The following HOXA3 variants were observed in gnomAD, a reference collection of about 807,000 sequenced individuals.
HOXA3 encodes the protein homeobox A3.
Under a neutral mutation model 30.3 loss-of-function variants are expected in HOXA3, and 8 were observed. The ratio of observed to expected loss-of-function variants is 0.26; its 90% CI spans 0.15 to 0.48. The LOEUF is 0.48. Ranked by LOEUF, HOXA3 falls within the 20% of genes least tolerant of loss-of-function variation. The probability of loss-of-function intolerance (pLI) is 0.99; values close to 1 mark genes in which losing one functional copy is unlikely to be tolerated. For missense variants in HOXA3, 653 were observed against 614.4 expected (o/e 1.06, Z -0.66); for synonymous variants, 323 against 273.1 (o/e 1.18, Z -1.80).
rs923607933 is a variant in HOXA3 at position 27,107,618 on chromosome 7, C to G, written c.*297G>C. On this transcript the variant is annotated 3_prime_UTR_variant, in exon 6 of 6. Coordinates refer to ENST00000612286, the MANE Select transcript of HOXA3 (RefSeq NM_153631.3). ...GAAAATTTGTTCATATACCCTGTTT[C>G]TGATCAAAGAGTGGAGAAGGTAAAG... 2.7e-5 allele frequency: 9 copies of G among 330,386 alleles called. No individual in the cohort carries two copies. Among genetic ancestry groups the G allele is most frequent in the African/African-American group, 1.5e-4 (7 of 47,228 alleles). The allele number at this position is 330,386 out of a possible 1,614,324, so 20.5% of individuals were successfully genotyped here.
At chr7:27,117,407 A>C (rs1251850900) in intron 4 of HOXA3, among the ~76,000 whole-genome samples, 1 of 152,164 alleles carries the variant, frequency 6.6e-6, no homozygotes, top group Non-Finnish European at 1.5e-5. Context: ...TGTTAGAATA[A>C]GGAGCCCCTG....
At chr7:27,143,192 C>A in intron 1 of HOXA3, 2 of 1,611,482 alleles carry the variant, frequency 1.2e-6, no homozygotes, top group Non-Finnish European at 1.7e-6. Flanking sequence ...CCCCTCTCTG[C>A]TGCTGATGTG....
intron 2 of HOXA3, chr7:27,130,615 G>C: frequency 1.3e-6 from 2 of 1,553,044 alleles, no homozygotes; most frequent in Non-Finnish European, 1.7e-6. Context: ...CTGGTAGCCG[G>C]GGCCCCCGCC....
At chr7:27,111,209 G>A (rs1016767017) in intron 4 of HOXA3, among the ~76,000 whole-genome samples, 2 of 152,188 alleles carry the variant, frequency 1.3e-5, no homozygotes, top group East Asian at 3.9e-4. Flanking sequence ...GGGAGCTTGG[G>A]TCGCCAATGT....
In HOXA3 at chr7:27,131,087, G is replaced by A. The variant is rs6461988; in HGVS notation, c.-389-4017C>T. Among the ~76,000 whole-genome samples the A allele has an allele frequency of 0.98, 149,008 of 152,040 alleles. 73,031 individuals carry two copies. Among genetic ancestry groups the A allele is most frequent in the East Asian group, 1 (5,113 of 5,118 alleles). ...AGGAGCTTTGGACCCCAGCCCCCCA[G>A]CTTTGGTTCCCGCTGGGAATTCAGG... On this transcript the variant is annotated intron_variant, in intron 2 of 5. Coordinates refer to ENST00000612286, the MANE Select transcript of HOXA3 (RefSeq NM_153631.3).
chr7:27,111,880 G>A (rs535541391), intron 4 of HOXA3, among the ~76,000 whole-genome samples: 1 of 152,290 alleles, frequency 6.6e-6, no homozygotes, highest in South Asian at 2.1e-4. Context: ...TGATGTATGG[G>A]GGTCATTTGG....
At position 27,108,021 on chromosome 7, in the gene HOXA3, T is replaced by C. The variant is rs1297416759; in HGVS notation, c.1226A>G (p.His409Arg). Residue 409 changes from histidine (H) to arginine (R), a missense_variant, in exon 6 of 6, where the codon CAC becomes CGC. Transcript: ENST00000612286. The surrounding 1 kb of genome is among the most constrained non-coding windows in gnomAD (Gnocchi z 5.0). ...GGAGPLGSGH[H>R]HGPGPGEPHP... is the part of the protein sequence containing the mutation. ...CGGCTCCCCAGGCCCCGGCCCGTGG[T>C]GGTGGCCGCTGCCCAGCGGCCCGGC... 4 of 1,612,472 alleles carry C rather than the reference T, an allele frequency of 2.5e-6. No individual in the cohort carries two copies. The highest frequency in any genetic ancestry group is 1.3e-5 in the African/African-American group (1 of 74,794).
intron 1 of HOXA3, chr7:27,150,947 A>T (rs544607176): frequency 1.3e-4 from 20 of 152,510 alleles, no homozygotes; most frequent in Admixed American, 1.3e-3. Flanking sequence ...GGCGGGCTGC[A>T]GCTGGCGCCG....
chr7:27,129,553 C>T, intron 2 of HOXA3: 2 of 1,613,572 alleles, frequency 1.2e-6, no homozygotes, highest in Non-Finnish European at 1.7e-6. Context: ...AGGCTCCCCT[C>T]CGTTATAACT....
chr7:27,147,060 G>T, intron 1 of HOXA3: 2 of 559,868 alleles, frequency 3.6e-6, no homozygotes, highest in East Asian at 2.9e-5. Flanking sequence ...TCATATACGT[G>T]CCAGTGCCCC....
At chr7:27,145,867 A>G in intron 1 of HOXA3, 1 of 1,614,148 alleles carries the variant, frequency 6.2e-7, no homozygotes, top group Non-Finnish European at 8.5e-7. Context: ...AGTGTCTGGT[A>G]GCGCGTGTAG....
chr7:27,125,329 G>C (rs1785236643), intron 3 of HOXA3, among the ~76,000 whole-genome samples: 1 of 152,224 alleles, frequency 6.6e-6, no homozygotes, highest in African/African-American at 2.4e-5. Context: ...ACTTTGGACA[G>C]TCTTTCAATC....
rs73284530 is a variant in HOXA3 at position 27,108,933 on chromosome 7, G to C, written c.527-213C>G. 4.3e-3 allele frequency among the ~76,000 whole-genome samples: 647 copies of C among 152,196 alleles called. 6 individuals are homozygous for C. The highest frequency in any genetic ancestry group is 0.015 in the African/African-American group (628 of 41,518). On this transcript the variant is annotated intron_variant, in intron 5 of 5. Coordinates refer to ENST00000612286, the MANE Select transcript of HOXA3 (RefSeq NM_153631.3). This position sits in a 1 kb window ranked among gnomAD's most constrained non-coding sequence, Gnocchi z 5.0. ...CCAAGGAGCAAATCACAGCCTTCTC[G>C]GGGGAAAGGACAGAGAAGTAGAACC...
At chr7:27,141,842 CG>C (rs1782579645) in intron 1 of HOXA3, 1 of 1,613,854 alleles carries the variant, frequency 6.2e-7, no homozygotes, top group Admixed American at 1.7e-5. Context: ...TACTCAGGGA[CG>C]GAAGGCCCCT....
At chr7:27,114,744 T>TACACACACCCACAC (rs1554336644) in intron 4 of HOXA3, among the ~76,000 whole-genome samples, 1 of 93,442 alleles carries the variant, frequency 1.1e-5, no homozygotes, top group African/African-American at 3.8e-5. Context: ...ACCGACATCA[T>TACACACACCCACAC]ACACACACAC....
At chr7:27,124,260 C>T (rs1785178718) in intron 3 of HOXA3, 1 of 152,246 alleles carries the variant, frequency 6.6e-6, no homozygotes, top group Non-Finnish European at 1.5e-5. Context: ...CTCGCTCGCC[C>T]GGCGCGGGTG....
chr7:27,130,525 G>C (rs778065649), intron 2 of HOXA3: 1 of 1,351,448 alleles, frequency 7.4e-7, no homozygotes, highest in Admixed American at 3.3e-5. Context: ...GTAGGAGGCA[G>C]TGGGCTCTCG....
rs768577327 is a variant in HOXA3, at chr7:27,110,476, G to C, written c.165C>G (p.Pro55=). ...YHRPACSLQS[P]SSAGGHPKAH... ...CCTTGGGGTGGCCCCCGGCGCTGGA[G>C]GGAGACTGGAGGGAGCAGGCGGGTC... The change falls in exon 5 of 6, where the codon CCC becomes CCG. Residue 55 remains proline, a synonymous_variant. Coordinates refer to ENST00000612286, the MANE Select transcript of HOXA3 (RefSeq NM_153631.3). 1.2e-6 allele frequency: 2 copies of C among 1,601,290 alleles called. No homozygotes were observed. Among genetic ancestry groups the C allele is most frequent in the East Asian group, 2.3e-5 (1 of 44,386 alleles).
chr7:27,130,881 C>T (rs894933619), intron 2 of HOXA3: 10 of 791,980 alleles, frequency 1.3e-5, no homozygotes, highest in Admixed American at 2.1e-5. Flanking sequence ...CACTCCTCCC[C>T]CTCCCGCAGA....
Sources: allele counts gnomAD v4.1 joint callset (sites outside exome capture counted in the v4.1 genomes callset), GRCh38; gene constraint gnomAD v4.1.1; non-coding constraint Gnocchi (gnomAD v3.1); transcripts MANE v1.5; gene names NCBI Gene and HGNC (gene_info 2026-07-23, HGNC 2026-07-21).